AK5: variants seen among roughly 807,000 people sequenced by gnomAD.
The protein encoded by AK5 is adenylate kinase 5.
In AK5, 27 loss-of-function variants were observed where a neutral mutation model predicts 69.5. That is an observed-to-expected ratio of 0.39 (90% CI 0.29 to 0.54). AK5 has a LOEUF of 0.54. Among genes scored for constraint, AK5 ranks in the 20% least tolerant of loss-of-function variants. The pLI, the probability that AK5 is intolerant of heterozygous loss-of-function variation, is 0.71. For missense variants in AK5, 531 were observed against 700.4 expected, an observed-to-expected ratio of 0.76 and a Z score of 2.73; for synonymous variants, 260 against 244.4, an observed-to-expected ratio of 1.06 and a Z score of -0.60.
At chr1:77,377,866 TC>T (rs1408651748) in intron 6 of AK5, among the ~76,000 whole-genome samples, 2 of 152,228 alleles carry the variant, frequency 1.3e-5, no homozygotes, top group African/African-American at 4.8e-5. Context: ...GCATGCCTTT[TC>T]CCCTAGGAGA....
intron 8 of AK5, among the ~76,000 whole-genome samples, chr1:77,481,206 C>T (rs567292490): frequency 6.6e-6 from 1 of 152,214 alleles, no homozygotes; most frequent in Non-Finnish European, 1.5e-5. Flanking sequence ...CCCATCCTGA[C>T]GTCACTAAGG....
chr1:77,297,759 A>G, intron 4 of AK5, 31 bp downstream of exon 4: 1 of 1,605,716 alleles, frequency 6.2e-7, no homozygotes, highest in South Asian at 1.1e-5. Context: ...TTTATTCTGC[A>G]AAATGTTTTC....
intron 8 of AK5, among the ~76,000 whole-genome samples, chr1:77,465,226 GC>G (rs1557612074): frequency 6.6e-6 from 1 of 152,006 alleles, no homozygotes; most frequent in Non-Finnish European, 1.5e-5. Context: ...CTGATGCCAG[GC>G]CAGGGAAAAA....
At chr1:77,403,922 C>A in intron 6 of AK5, among the ~76,000 whole-genome samples, 1 of 152,110 alleles carries the variant, frequency 6.6e-6, no homozygotes, top group Non-Finnish European at 1.5e-5. Flanking sequence ...ATTCTTCCTA[C>A]CCATGAGCAT....
At chr1:77,349,234 G>A (rs371330265) in intron 6 of AK5, among the ~76,000 whole-genome samples, 2 of 152,002 alleles carry the variant, frequency 1.3e-5, no homozygotes, top group East Asian at 3.9e-4. Context: ...TAAACATTGA[G>A]TACAATTACC....
chr1:77,533,672 C>T lies in AK5; in HGVS notation c.1429-2175C>T, dbSNP rs142703058. On this transcript the variant is annotated intron_variant, in intron 12 of 13. Transcript: ENST00000354567. Reference sequence around the variant, plus strand: ...GAAAAAGCTACCTCTCTGCCCCGTGCTTATTTTGGTCTAAAAGGTCATTTG... The same window carrying T: ...GAAAAAGCTACCTCTCTGCCCCGTGTTTATTTTGGTCTAAAAGGTCATTTG... Among the ~76,000 whole-genome samples the T allele has an allele frequency of 5.6e-3, 858 of 152,224 alleles. 6 individuals are homozygous for T. The highest frequency in any genetic ancestry group is 0.02 in the African/African-American group (811 of 41,524).
intron 6 of AK5, among the ~76,000 whole-genome samples, chr1:77,396,551 A>G (rs1196893182): frequency 1.3e-5 from 2 of 152,250 alleles, no homozygotes; most frequent in Non-Finnish European, 2.9e-5. Flanking sequence ...AAACAATATT[A>G]ACACAAAGTT....
intron 13 of AK5, among the ~76,000 whole-genome samples, chr1:77,557,618 C>T (rs149681745): frequency 3.4e-4 from 52 of 152,270 alleles, no homozygotes; most frequent in African/African-American, 1.2e-3. Context: ...CACCTACACA[C>T]TGCGGTCCTA....
chr1:77,527,753 G>GCTC (rs1658368070), intron 12 of AK5, among the ~76,000 whole-genome samples: 1 of 152,192 alleles, frequency 6.6e-6, no homozygotes, highest in Non-Finnish European at 1.5e-5. Flanking sequence ...TCCAGAATGA[G>GCTC]CTCCTGCTTT....
At chr1:77,326,073 G>A (rs1660788932) in intron 5 of AK5, among the ~76,000 whole-genome samples, 1 of 152,054 alleles carries the variant, frequency 6.6e-6, no homozygotes, top group Non-Finnish European at 1.5e-5. Flanking sequence ...AATTATGGCT[G>A]GACTTTAGGT....
chr1:77,360,251 G>A (rs940276380), intron 6 of AK5, among the ~76,000 whole-genome samples: 3 of 152,196 alleles, frequency 2.0e-5, no homozygotes, highest in Admixed American at 6.5e-5. Context: ...GGGAGGGGAA[G>A]AGAAGGTGGT....
chr1:77,490,561 C>A (rs1655920037), intron 10 of AK5, among the ~76,000 whole-genome samples: 1 of 152,144 alleles, frequency 6.6e-6, no homozygotes, highest in Non-Finnish European at 1.5e-5. Flanking sequence ...CAGGGTAGGA[C>A]CAGATGATCC....
chr1:77,381,903 A>C (rs1647661139), intron 6 of AK5, among the ~76,000 whole-genome samples: 2 of 152,170 alleles, frequency 1.3e-5, no homozygotes, highest in African/African-American at 4.8e-5. Flanking sequence ...AAATAAACAA[A>C]GTAGTAGATT....
chr1:77,350,617 C>T (rs989703971), intron 6 of AK5, among the ~76,000 whole-genome samples: 2 of 152,172 alleles, frequency 1.3e-5, no homozygotes, highest in Admixed American at 6.5e-5. Flanking sequence ...TTTACTTCTC[C>T]ATATGGCAGA....
At chr1:77,385,143 G>GT (rs1053728829) in intron 6 of AK5, among the ~76,000 whole-genome samples, 2 of 152,082 alleles carry the variant, frequency 1.3e-5, no homozygotes, top group African/African-American at 4.8e-5. Flanking sequence ...TTTACAAAGT[G>GT]TTTTTTTGTT....
chr1:77,375,109 A>T (rs544160888), intron 6 of AK5, among the ~76,000 whole-genome samples: 4 of 152,188 alleles, frequency 2.6e-5, no homozygotes, highest in Non-Finnish European at 5.9e-5. Context: ...CACTTTATAA[A>T]TGAGGAAACA....
intron 5 of AK5, among the ~76,000 whole-genome samples, chr1:77,321,874 CAAA>C (rs1660552367): frequency 1.3e-5 from 2 of 152,026 alleles, no homozygotes; most frequent in Admixed American, 1.3e-4. Context: ...TGATTGTTTA[CAAA>C]GAAAATCCTA....
chr1:77,534,857 A>G (rs2100354519), intron 12 of AK5, among the ~76,000 whole-genome samples: 1 of 152,258 alleles, frequency 6.6e-6, no homozygotes. Context: ...AGAAAATAAA[A>G]ACTTTAAAGA....
chr1:77,480,325 G>A (rs866201405), intron 8 of AK5, among the ~76,000 whole-genome samples: 1 of 152,146 alleles, frequency 6.6e-6, no homozygotes, highest in African/African-American at 2.4e-5. Flanking sequence ...TGTCCCAGCA[G>A]CCTGTTCACT....
Sources: gnomAD v4.1 joint callset for allele counts (sites outside exome capture counted in the v4.1 genomes callset) on GRCh38, gnomAD v4.1.1 for gene constraint, MANE v1.5 for transcripts, NCBI Gene and HGNC (gene_info 2026-07-23, HGNC 2026-07-21) for gene names.